Variants in PKD2L1 observed in about 807,000 individuals in gnomAD.
PKD2L1 encodes polycystin 2 like 1, transient receptor potential cation channel.
Under a neutral mutation model 93.0 loss-of-function variants are expected in PKD2L1, and 77 were observed. The observed-to-expected ratio is 0.83, with a 90% CI of 0.69 to 1.00. PKD2L1 has a LOEUF of 1.00. PKD2L1 is among the 50% of genes least tolerant of loss of function. The pLI is 0.00. For synonymous variants in PKD2L1, 390 were observed against 388.0 expected (o/e 1.01, Z -0.06); for missense variants, 977 against 990.9 (o/e 0.99, Z 0.19).
chr10:100,324,513 G>C (rs1184453654), intron 2 of PKD2L1, among the ~76,000 whole-genome samples: 1 of 152,116 alleles, frequency 6.6e-6, no homozygotes, highest in East Asian at 1.9e-4. Flanking sequence ...ATGGCATATA[G>C]TTGGAATTAC....
intron 7 of PKD2L1, among the ~76,000 whole-genome samples, chr10:100,295,804 G>C (rs1245183146): frequency 1.3e-5 from 2 of 151,112 alleles, no homozygotes; most frequent in African/African-American, 4.9e-5. Flanking sequence ...GAGAGGCTGA[G>C]GTAGGCAGAT....
intron 12 of PKD2L1, 142 bp downstream of exon 12, chr10:100,291,159 G>T: frequency 1.2e-6 from 1 of 834,672 alleles, no homozygotes; most frequent in Non-Finnish European, 1.9e-6. Context: ...CTAATGTGCA[G>T]CAGTTTGGGA....
At chr10:100,317,395 C>T (rs4919454) in intron 2 of PKD2L1, among the ~76,000 whole-genome samples, 3,651 of 148,972 alleles carry the variant, frequency 0.025, 99 homozygotes, top group African/African-American at 0.059. Context: ...AAAAATTAAG[C>T]GAGTGTGGTG....
At chr10:100,320,442 G>T (rs934514680) in intron 2 of PKD2L1, among the ~76,000 whole-genome samples, 1 of 152,154 alleles carries the variant, frequency 6.6e-6, no homozygotes, top group Non-Finnish European at 1.5e-5. Context: ...ACTAGGGCTT[G>T]TCCCCTGCCA....
chr10:100,327,453 C>G (rs1021524495), intron 2 of PKD2L1, among the ~76,000 whole-genome samples: 31 of 152,318 alleles, frequency 2.0e-4, no homozygotes, highest in African/African-American at 7.2e-4. Flanking sequence ...GGATTGGACT[C>G]CTGGACTTCC....
intron 2 of PKD2L1, among the ~76,000 whole-genome samples, chr10:100,302,256 T>TACAC (rs56239118): frequency 0.018 from 2,575 of 147,090 alleles, 41 homozygotes; most frequent in African/African-American, 0.049. Context: ...CACACACGCA[T>TACAC]ACACACACAC....
intron 2 of PKD2L1, among the ~76,000 whole-genome samples, chr10:100,318,100 G>C (rs900969144): frequency 1.3e-5 from 2 of 151,606 alleles, no homozygotes; most frequent in African/African-American, 4.8e-5. Flanking sequence ...AAAAAAGAGA[G>C]AAGAAAAGAT....
At chr10:100,314,417 GGAGAGAGAA>G (rs1405962329) in intron 2 of PKD2L1, among the ~76,000 whole-genome samples, 6 of 152,132 alleles carry the variant, frequency 3.9e-5, no homozygotes, top group Non-Finnish European at 7.3e-5. Context: ...CAGTGCCTGG[GGAGAGAGAA>G]GAGAGAGAAG....
At chr10:100,316,297 G>A (rs138667603) in intron 2 of PKD2L1, among the ~76,000 whole-genome samples, 30 of 152,192 alleles carry the variant, frequency 2.0e-4, no homozygotes, top group African/African-American at 6.3e-4. Flanking sequence ...CTCAGCCTCC[G>A]GAGTAGCTAG....
intron 2 of PKD2L1, among the ~76,000 whole-genome samples, chr10:100,323,969 A>T (rs1293461219): frequency 3.3e-5 from 5 of 152,096 alleles, no homozygotes; most frequent in Non-Finnish European, 2.9e-5. Context: ...CTGGGATTAC[A>T]GGTGCCCGCC....
At chr10:100,289,152 T>C in intron 14 of PKD2L1, 96 bp from the exon 15 acceptor site, 1 of 819,242 alleles carries the variant, frequency 1.2e-6, no homozygotes, top group Non-Finnish European at 2.0e-6. Flanking sequence ...CAGACTGCTA[T>C]AGACTGTTTG....
intron 12 of PKD2L1, 152 bp from the exon 13 acceptor site, chr10:100,290,671 G>C (rs184368067): frequency 1.7e-6 from 1 of 603,256 alleles, no homozygotes; most frequent in African/African-American, 1.8e-5. Flanking sequence ...GAGACAATAG[G>C]GTCAGGGTGG....
chr10:100,295,195 C>T, intron 7 of PKD2L1, 72 bp from the exon 8 acceptor site: 1 of 1,236,746 alleles, frequency 8.1e-7, no homozygotes, highest in Non-Finnish European at 1.2e-6. Context: ...ATGCCAAGGG[C>T]CTATGGAGGC....
Position 100,288,918 on chromosome 10 carries a change from C to T in PKD2L1, c.2335+54G>A, listed in dbSNP as rs377187521. On this transcript the variant is annotated intron_variant, in intron 15 of 15. Coordinates refer to ENST00000318222, the MANE Select transcript of PKD2L1 (RefSeq NM_016112.3). ...AGGGGATGTGGCGAGGGGGCCTGTGCGGAGGCAGAGGGAGGGAAGCCTGCT... is the reference window on the plus strand; with the variant it reads ...AGGGGATGTGGCGAGGGGGCCTGTGTGGAGGCAGAGGGAGGGAAGCCTGCT... The T allele has an allele frequency of 1.1e-3, 1,315 of 1,203,342 alleles. 1 individual carries two copies. Among genetic ancestry groups the T allele is most frequent in the Non-Finnish European group, 1.4e-3 (1,138 of 838,382 alleles). 74.5% of individuals were successfully genotyped at this position (1,203,342 alleles called of 1,614,324 possible). A position where few individuals can be genotyped will look rare whatever the true frequency, so the allele number is the denominator to read the frequency against.
chr10:100,315,808 C>T (rs1478506012), intron 2 of PKD2L1, among the ~76,000 whole-genome samples: 2 of 152,196 alleles, frequency 1.3e-5, no homozygotes, highest in Admixed American at 1.3e-4. Context: ...TTGGCTGGCG[C>T]TACCTCCTCC....
At chr10:100,328,742 T>A (rs147393518) in intron 2 of PKD2L1, among the ~76,000 whole-genome samples, 3,384 of 152,206 alleles carry the variant, frequency 0.022, 72 homozygotes, top group Non-Finnish European at 0.035. Flanking sequence ...TACAGGCACC[T>A]GCCACCCAGC....
intron 2 of PKD2L1, among the ~76,000 whole-genome samples, chr10:100,328,818 G>C (rs992212881): frequency 3.3e-5 from 5 of 152,200 alleles, no homozygotes; most frequent in African/African-American, 1.2e-4. Context: ...CAAAACTCCT[G>C]ACCTCAGGTG....
In PKD2L1 at chr10:100,288,484, G is replaced by T; in HGVS notation, c.2336-6C>A. On this transcript the variant is annotated splice_polypyrimidine_tract_variant and splice_region_variant and intron_variant, in intron 15 of 15. Coordinates refer to ENST00000318222, the MANE Select transcript of PKD2L1 (RefSeq NM_016112.3). ...TTCTCTTTTATAGGGAACCTCTGTG[G>T]GGGAAAACGAGAAACCCATGGGTGC... 1 of 1,586,076 alleles carries T rather than the reference G, an allele frequency of 6.3e-7. No homozygotes were observed.
chr10:100,298,194 C>T (rs559627106), intron 4 of PKD2L1, among the ~76,000 whole-genome samples: 6 of 152,298 alleles, frequency 3.9e-5, no homozygotes, highest in African/African-American at 1.4e-4. Flanking sequence ...TGCTGCTCCA[C>T]GTATCAATCT....
Sources: gnomAD v4.1 joint callset for allele counts (sites outside exome capture counted in the v4.1 genomes callset) on GRCh38, gnomAD v4.1.1 for gene constraint, MANE v1.5 for transcripts, NCBI Gene and HGNC (gene_info 2026-07-23, HGNC 2026-07-21) for gene names.